The following MRE11 variants were observed in gnomAD, a reference collection of about 807,000 sequenced individuals.
MRE11 encodes the protein double-strand break repair protein MRE11.
A neutral mutation model predicts 91.7 loss-of-function variants in MRE11; 62 were observed. The ratio of observed to expected loss-of-function variants is 0.68; its 90% CI spans 0.55 to 0.84. The LOEUF (loss-of-function observed/expected upper bound fraction) is 0.84. MRE11 is among the 40% of genes least tolerant of loss of function. The probability of loss-of-function intolerance (pLI) is 0.00; values close to 1 mark genes in which losing one functional copy is unlikely to be tolerated. For synonymous variants in MRE11, 273 were observed against 271.4 expected, an observed-to-expected ratio of 1.01 and a Z score of -0.06; for missense variants, 796 against 852.9, an observed-to-expected ratio of 0.93 and a Z score of 0.83.
chr11:94,490,151 T>G (rs1947249172), intron 3 of MRE11, among the ~76,000 whole-genome samples: 1 of 152,208 alleles, frequency 6.6e-6, no homozygotes, highest in African/African-American at 2.4e-5. Context: ...CAATCTGATA[T>G]TTGAAGTCCT....
intron 4 of MRE11, among the ~76,000 whole-genome samples, chr11:94,480,387 G>C (rs1188624681): frequency 6.6e-6 from 1 of 152,162 alleles, no homozygotes; most frequent in Non-Finnish European, 1.5e-5. Context: ...TTCCACATCA[G>C]TACATGAAGA....
intron 11 of MRE11, among the ~76,000 whole-genome samples, chr11:94,461,314 G>T (rs1364932548): frequency 6.6e-6 from 1 of 152,128 alleles, no homozygotes; most frequent in East Asian, 1.9e-4. Context: ...ACCCATTCAG[G>T]GAGTAATAAC....
At position 94,454,073 on chromosome 11, in the gene MRE11, ATT is replaced by A. The variant is rs763249653; in HGVS notation, c.1563+2201_1563+2202del. 6.5e-3 allele frequency among the ~76,000 whole-genome samples: 906 copies of A among 138,612 alleles called. 4 individuals carry two copies. Among genetic ancestry groups the A allele is most frequent in the African/African-American group, 0.021 (782 of 37,796 alleles). 90.9% of individuals were successfully genotyped at this position (138,612 alleles called of 152,430 possible). On this transcript the variant is annotated intron_variant, in intron 14 of 19. Transcript: ENST00000323929. Reference sequence around the variant, plus strand: ...GAGAGTTTTTCTATGTGAACAAAAGATTTTTTTTTTTTTTTTTTGAGACAGGG... The same window carrying A: ...GAGAGTTTTTCTATGTGAACAAAAGATTTTTTTTTTTTTTTTGAGACAGGG...
intron 4 of MRE11, among the ~76,000 whole-genome samples, chr11:94,484,136 G>C (rs1158457462): frequency 6.6e-6 from 1 of 152,060 alleles, no homozygotes; most frequent in Non-Finnish European, 1.5e-5. Flanking sequence ...ATCTCAAAAG[G>C]AGCCCAATGG....
chr11:94,478,815 C>T lies in MRE11; in HGVS notation c.464G>A (p.Arg155His), dbSNP rs587780141. Reference sequence around the variant, plus strand: ...GTCTATCTTCTCCACAGACATTGAACGTCCAAAGTGATTTACAAATCCAGC... The same window carrying T: ...GTCTATCTTCTCCACAGACATTGAATGTCCAAAGTGATTTACAAATCCAGC... ...SCAGFVNHFG[R>H]SMSVEKIDIS... The change falls in exon 6 of 20, where the codon CGT becomes CAT. Residue 155 changes from arginine to histidine, a missense_variant. By Grantham distance (29) the Arg-to-His change is conservative. Coordinates refer to ENST00000323929, the MANE Select transcript of MRE11 (RefSeq NM_005591.4). 9.9e-6 allele frequency: 16 copies of T among 1,613,688 alleles called. No individual in the cohort carries two copies. The highest frequency in any genetic ancestry group is 1.2e-5 in the Non-Finnish European group (14 of 1,179,898).
At chr11:94,454,261 A>G (rs139078891) in intron 14 of MRE11, among the ~76,000 whole-genome samples, 58 of 151,422 alleles carry the variant, frequency 3.8e-4, no homozygotes, top group African/African-American at 1.4e-3. Context: ...TTTTGTAGAG[A>G]TGGGGTTTTG....
chr11:94,499,714 C>G, the MRE11 span: 1 of 152,056 alleles, frequency 6.6e-6, no homozygotes, highest in African/African-American at 2.4e-5. Flanking sequence ...TCTATCTAGC[C>G]CCCCTGTGAT....
intron 18 of MRE11, among the ~76,000 whole-genome samples, chr11:94,432,012 T>C (rs1470992784): frequency 6.6e-6 from 1 of 152,118 alleles, no homozygotes; most frequent in Admixed American, 6.5e-5. Context: ...TGCTTCAATT[T>C]ACAAAGACAA....
chr11:94,496,482 A>T, upstream of MRE11: 1 of 483,718 alleles, frequency 2.1e-6, no homozygotes, highest in Non-Finnish European at 3.6e-6. Context: ...TATGTAAGGG[A>T]TATCATGAGA....
At chr11:94,508,289 C>T in the MRE11 span, among the ~76,000 whole-genome samples, 1 of 152,166 alleles carries the variant, frequency 6.6e-6, no homozygotes, top group African/African-American at 2.4e-5. Flanking sequence ...TATCTATTGC[C>T]TTCTTTTGAT....
chr11:94,425,761 A>G (rs754637968), intron 19 of MRE11, among the ~76,000 whole-genome samples: 2 of 152,238 alleles, frequency 1.3e-5, no homozygotes, highest in Non-Finnish European at 2.9e-5. Flanking sequence ...AAGGTATTAT[A>G]TAATGATAAA....
At chr11:94,490,241 AC>A (rs1345735239) in intron 3 of MRE11, among the ~76,000 whole-genome samples, 1 of 152,160 alleles carries the variant, frequency 6.6e-6, no homozygotes, top group East Asian at 1.9e-4. Flanking sequence ...CAAATTGACT[AC>A]AGGGCCCCTA....
chr11:94,471,495 A>G, intron 8 of MRE11, 79 bp downstream of exon 8: 1 of 1,393,016 alleles, frequency 7.2e-7, no homozygotes. Context: ...TAACCTTAAC[A>G]TAGGCCTTAA....
rs1034565964 is a variant in MRE11 at position 94,464,007 on chromosome 11, C to T, written c.1225+106G>A. On this transcript the variant is annotated intron_variant, in intron 11 of 19. Coordinates refer to ENST00000323929, the MANE Select transcript of MRE11 (RefSeq NM_005591.4). ...CACTGTCAATTTGTTTAAGACATTA[C>T]AATCATATTAAAACATCTTCCATTA... The T allele has an allele frequency of 4.1e-5, 51 of 1,256,466 alleles. No homozygotes were observed. The African/African-American group carries it at 7.2e-4, about 18-fold the overall frequency. The allele number at this position is 1,256,466 out of a possible 1,614,324, so 77.8% of individuals were successfully genotyped here.
Position 94,490,903 on chromosome 11 carries a change from T to G in MRE11, c.83A>C (p.Lys28Thr), listed in dbSNP as rs876658611. 6.2e-7 allele frequency: 1 copy of G among 1,602,784 alleles called. No individual in the cohort carries two copies. Among genetic ancestry groups the G allele is most frequent in the African/African-American group, 1.3e-5 (1 of 74,676 alleles). ...ATDIHLGFME[K>T]DAVRGNDTFV... Reference sequence around the variant, plus strand: ...CGTATCATTTCCTCTGACTGCATCTTTCTCCATAAATCCAAGATGAATATC... The same window carrying G: ...CGTATCATTTCCTCTGACTGCATCTGTCTCCATAAATCCAAGATGAATATC... The change falls in exon 3 of 20, where the codon AAA becomes ACA. Residue 28 changes from lysine (K) to threonine (T), a missense_variant. Coordinates refer to ENST00000323929, the MANE Select transcript of MRE11 (RefSeq NM_005591.4).
chr11:94,463,170 A>T (rs1200754586), intron 11 of MRE11, among the ~76,000 whole-genome samples: 1 of 152,238 alleles, frequency 6.6e-6, no homozygotes, highest in African/African-American at 2.4e-5. Context: ...GCCAACAGAC[A>T]CATGAAAAAA....
At chr11:94,469,235 CTT>C (rs1946645458) in intron 9 of MRE11, among the ~76,000 whole-genome samples, 1 of 152,100 alleles carries the variant, frequency 6.6e-6, no homozygotes, top group Admixed American at 6.6e-5. Flanking sequence ...CCAGAGGTGA[CTT>C]TGCTTCTCTA....
At chr11:94,466,480 C>G (rs760702464) in intron 10 of MRE11, 1 of 531,920 alleles carries the variant, frequency 1.9e-6, no homozygotes, top group South Asian at 1.4e-5. Flanking sequence ...CCATTTAGAT[C>G]TCATAAATCT....
chr11:94,500,581 C>T, the MRE11 span, among the ~76,000 whole-genome samples: 2 of 152,134 alleles, frequency 1.3e-5, no homozygotes, highest in East Asian at 3.9e-4. Flanking sequence ...AAAATAAAAT[C>T]TGAGTTTTTC....
Sources: gnomAD v4.1 joint callset for allele counts (sites outside exome capture counted in the v4.1 genomes callset) on GRCh38, gnomAD v4.1.1 for gene constraint, MANE v1.5 for transcripts, NCBI Gene and HGNC (gene_info 2026-07-23, HGNC 2026-07-21) for gene names.